Variants in SLC7A8 observed in about 807,000 individuals in gnomAD.
The protein encoded by SLC7A8 is solute carrier family 7 member 8.
In SLC7A8, 30 loss-of-function variants were observed where a neutral mutation model predicts 51.2. The ratio of observed to expected loss-of-function variants is 0.59; its 90% CI spans 0.44 to 0.80. SLC7A8 has a LOEUF of 0.80. Ranked by LOEUF, SLC7A8 falls within the 30% of genes least tolerant of loss-of-function variation. The pLI is 0.00. For missense variants in SLC7A8, 612 were observed against 674.4 expected (o/e 0.91, Z 1.03); for synonymous variants, 257 against 275.8 (o/e 0.93, Z 0.67).
At position 23,128,684 on chromosome 14, in the gene SLC7A8, A is replaced by G. The variant is rs1420383600; in HGVS notation, c.1264-488T>C. 9.9e-5 allele frequency among the ~76,000 whole-genome samples: 15 copies of G among 152,208 alleles called. No individual in the cohort carries two copies. On this transcript the variant is annotated intron_variant, in intron 9 of 10. Coordinates refer to ENST00000316902, the MANE Select transcript of SLC7A8 (RefSeq NM_012244.4). This position sits in a 1 kb window ranked among gnomAD's most constrained non-coding sequence, Gnocchi z 4.3. ...TGTGCAGGGCCCTTATGTGGGCACAATATGGCAAATGTCAGCTCCTTATGG... is the reference window on the plus strand; with the variant it reads ...TGTGCAGGGCCCTTATGTGGGCACAGTATGGCAAATGTCAGCTCCTTATGG...
chr14:23,143,041 G>A, intron 4 of SLC7A8, 38 bp downstream of exon 4: 1 of 1,610,098 alleles, frequency 6.2e-7, no homozygotes, highest in South Asian at 1.1e-5. Context: ...GCAAGGGGAG[G>A]AAAGCTGGGC....
chr14:23,158,629 C>T (rs1301407351), intron 3 of SLC7A8, among the ~76,000 whole-genome samples: 1 of 152,270 alleles, frequency 6.6e-6, no homozygotes, highest in African/African-American at 2.4e-5. Context: ...CAGGCGTAAG[C>T]CACCGCGCCC....
chr14:23,129,422 A>C (rs1380700017), intron 9 of SLC7A8: 6 of 504,312 alleles, frequency 1.2e-5, no homozygotes, highest in Non-Finnish European at 2.1e-5. Context: ...GATGAAAGTC[A>C]CATTTGATCT....
chr14:23,127,409 C>T, intron 10 of SLC7A8, 66 bp from the exon 11 acceptor site: 2 of 1,573,778 alleles, frequency 1.3e-6, no homozygotes, highest in Non-Finnish European at 8.7e-7. Flanking sequence ...GCCAAGTGGC[C>T]CCGGCCCTTC....
In SLC7A8 at chr14:23,170,907, G is replaced by A. The variant is rs35113644; in HGVS notation, c.152-4367C>T. On this transcript the variant is annotated intron_variant, in intron 1 of 10. Coordinates refer to ENST00000316902, the MANE Select transcript of SLC7A8 (RefSeq NM_012244.4). ...TACAAAGCTAATTTTTATGTTTTTC[G>A]ATGGGGGGAGGGGGTCTCACTATGT... 2.4e-3 allele frequency among the ~76,000 whole-genome samples: 366 copies of A among 151,488 alleles called. 1 individual carries two copies. Among genetic ancestry groups the A allele is most frequent in the African/African-American group, 8.5e-3 (351 of 41,258 alleles).
At position 23,126,864 on chromosome 14, in the gene SLC7A8, G is replaced by A. The variant is rs151115593; in HGVS notation, c.*313C>T. The A allele has an allele frequency of 7.7e-5, 31 of 400,858 alleles. No homozygotes were observed. Among genetic ancestry groups the A allele is most frequent in the African/African-American group, 5.0e-4 (25 of 49,776 alleles). The allele number at this position is 400,858 out of a possible 1,614,324, so 24.8% of individuals were successfully genotyped here. A position where few individuals can be genotyped will look rare whatever the true frequency, so the allele number is the denominator to read the frequency against. ...GCAGTAATGAGCTCCGGTTCCTGAA[G>A]AGGCAGCTGAGGGTGTGGCCCGGAG... On this transcript the variant is annotated 3_prime_UTR_variant, in exon 11 of 11. Coordinates refer to ENST00000316902, the MANE Select transcript of SLC7A8 (RefSeq NM_012244.4).
At chr14:23,180,898 G>A (rs1738497163) in intron 1 of SLC7A8, among the ~76,000 whole-genome samples, 1 of 152,084 alleles carries the variant, frequency 6.6e-6, no homozygotes, top group African/African-American at 2.4e-5. Context: ...GTGGTGGTGG[G>A]CGCCTGTAGT....
intron 3 of SLC7A8, among the ~76,000 whole-genome samples, chr14:23,148,006 G>C (rs948886928): frequency 6.6e-6 from 1 of 152,274 alleles, no homozygotes; most frequent in Admixed American, 6.5e-5. Context: ...CTACAGAGAA[G>C]GTGCCCTCAG....
rs2048947062 is a variant in SLC7A8, at chr14:23,165,855, T to C, written c.357-419A>G. The stretch of plus-strand genomic sequence containing the variant: ...AGCGCCTTCCACACCTTTTGGCCCA[T>C]TGGTGAGGGTTTACCAATGGCAGGG... On this transcript the variant is annotated intron_variant, in intron 2 of 10. Transcript: ENST00000316902. The surrounding 1 kb of genome is among the most constrained non-coding windows in gnomAD (Gnocchi z 4.2). 6.6e-6 allele frequency among the ~76,000 whole-genome samples: 1 copy of C among 152,110 alleles called. No homozygotes were observed. Among genetic ancestry groups the C allele is most frequent in the Non-Finnish European group, 1.5e-5 (1 of 68,024 alleles).
In SLC7A8 at chr14:23,180,952, G is replaced by A. The variant is rs1208196282; in HGVS notation, c.151+1812C>T. ...TGAGGCAGGAGAATGGCGTGAACCC[G>A]GGAGGCGGAGCTTGCAGTGAGCCGA... On this transcript the variant is annotated intron_variant, in intron 1 of 10. Coordinates refer to ENST00000316902, the MANE Select transcript of SLC7A8 (RefSeq NM_012244.4). 4.6e-5 allele frequency among the ~76,000 whole-genome samples: 7 copies of A among 152,206 alleles called. No homozygotes were observed. In the East Asian group the frequency reaches 9.7e-4, roughly 21 times the overall value.
In SLC7A8 at chr14:23,156,101, C is replaced by T. The variant is rs1985576; in HGVS notation, c.508+9184G>A. The stretch of plus-strand genomic sequence containing the variant: ...GCAACCTCTGCCTCCCGGGTTCAAG[C>T]GATTCTCCTGCCTCAGCCTCCCGAG... On this transcript the variant is annotated intron_variant, in intron 3 of 10. Transcript: ENST00000316902. Among the ~76,000 whole-genome samples the T allele has an allele frequency of 9.1e-4, 138 of 151,850 alleles. 1 individual carries two copies. Among genetic ancestry groups the T allele is most frequent in the African/African-American group, 2.9e-3 (118 of 41,392 alleles).
intron 3 of SLC7A8, among the ~76,000 whole-genome samples, chr14:23,149,879 G>C (rs2048831369): frequency 6.6e-6 from 1 of 152,178 alleles, no homozygotes; most frequent in Admixed American, 6.5e-5. Context: ...ACTGCCTACA[G>C]TGCTCAGTAC....
intron 1 of SLC7A8, among the ~76,000 whole-genome samples, chr14:23,178,125 A>C (rs1035308458): frequency 6.6e-6 from 1 of 152,190 alleles, no homozygotes; most frequent in African/African-American, 2.4e-5. Context: ...GTGTCTACCA[A>C]ATGAGTTACT....
chr14:23,137,268 G>A (rs541054589), intron 7 of SLC7A8, among the ~76,000 whole-genome samples: 13 of 152,150 alleles, frequency 8.5e-5, no homozygotes, highest in Non-Finnish European at 1.5e-4. Flanking sequence ...TGGGGGTCAC[G>A]GATAAAAGGC....
At chr14:23,140,736 T>G in intron 4 of SLC7A8, 112 bp from the exon 5 acceptor site, 4 of 1,059,556 alleles carry the variant, frequency 3.8e-6, no homozygotes, top group South Asian at 3.2e-5. Flanking sequence ...ACACCAACTC[T>G]GTCTTGTCTC....
At chr14:23,132,222 T>C (rs1442210913) in intron 7 of SLC7A8, among the ~76,000 whole-genome samples, 2 of 152,060 alleles carry the variant, frequency 1.3e-5, no homozygotes, top group Non-Finnish European at 2.9e-5. Flanking sequence ...CAGGCTGGTC[T>C]TGAACTGCTG....
intron 7 of SLC7A8, among the ~76,000 whole-genome samples, chr14:23,132,739 G>A (rs540854267): frequency 2.6e-5 from 4 of 151,398 alleles, no homozygotes; most frequent in Non-Finnish European, 5.9e-5. Context: ...AGGTTCAAGC[G>A]ATTCTTCTGC....
chr14:23,165,236 A>C lies in SLC7A8; in HGVS notation c.508+49T>G, dbSNP rs2048943192. 1 of 1,476,266 alleles carries C rather than the reference A, an allele frequency of 6.8e-7. No individual in the cohort carries two copies. Among genetic ancestry groups the C allele is most frequent in the South Asian group, 1.4e-5 (1 of 72,328 alleles). The allele number at this position is 1,476,266 out of a possible 1,614,324, so 91.4% of individuals were successfully genotyped here. The stretch of plus-strand genomic sequence containing the variant: ...TCTGTTTCTAAAAATAATAATAATA[A>C]ATATAATAAAAGAGGCTGTCTTGCT... On this transcript the variant is annotated intron_variant, in intron 3 of 10. Transcript: ENST00000316902. This position sits in a 1 kb window ranked among gnomAD's most constrained non-coding sequence, Gnocchi z 4.2.
chr14:23,152,861 C>G (rs973064665), intron 3 of SLC7A8, among the ~76,000 whole-genome samples: 1 of 152,138 alleles, frequency 6.6e-6, no homozygotes, highest in Non-Finnish European at 1.5e-5. Flanking sequence ...TTCTACTAAG[C>G]CAGCTGCCAC....
Sources: allele counts gnomAD v4.1 joint callset (sites outside exome capture counted in the v4.1 genomes callset), GRCh38; gene constraint gnomAD v4.1.1; non-coding constraint Gnocchi (gnomAD v3.1); transcripts MANE v1.5; gene names NCBI Gene and HGNC (gene_info 2026-07-23, HGNC 2026-07-21).